The following FRMPD1 variants were observed in gnomAD, a reference collection of about 807,000 sequenced individuals.
The protein encoded by FRMPD1 is FERM and PDZ domain containing 1.
A neutral mutation model predicts 117.8 loss-of-function variants in FRMPD1; 76 were observed. That is an observed-to-expected ratio of 0.65 (90% CI 0.54 to 0.78). The LOEUF (loss-of-function observed/expected upper bound fraction) is 0.78. Among genes scored for constraint, FRMPD1 ranks in the 30% least tolerant of loss-of-function variants. The pLI, the probability that FRMPD1 is intolerant of heterozygous loss-of-function variation, is 0.00. For missense variants in FRMPD1, 1,786 were observed against 1,964.5 expected (o/e 0.91, Z 1.72); for synonymous variants, 783 against 770.4 (o/e 1.02, Z -0.27).
chr9:37,708,405 C>G lies in FRMPD1; in HGVS notation c.266C>G (p.Ser89Cys). 6.2e-7 allele frequency: 1 copy of G among 1,605,694 alleles called. No individual in the cohort carries two copies. The highest frequency in any genetic ancestry group is 1.1e-5 in the South Asian group (1 of 90,926). Residue 89 changes from serine to cysteine, a missense_variant, in exon 4 of 16, where the codon TCT becomes TGT. By Grantham distance (112) the Ser-to-Cys change is moderately radical (BLOSUM62 -1). Transcript: ENST00000377765. ...LTVVAVTAGG[S>C]AHGKLFPGDQ... ...CTTATTTTCTGTCCAACAGGAGGCT[C>G]TGCTCACGGCAAGCTTTTCCCTGGT...
In FRMPD1 at chr9:37,744,724, G is replaced by A. The variant is rs1319955666; in HGVS notation, c.2692G>A (p.Glu898Lys). ...CATGCAGGGTGAGCCTGGCCTTCTG[G>A]AGACCAAGGCCTTGGGGCTGCTGGC... ...QDMQGEPGLL[E>K]TKALGLLAPL... The change falls in exon 16 of 16, where the codon GAG (glutamate) becomes AAG (lysine). Residue 898 changes from glutamate to lysine, a missense_variant. By Grantham distance (56) the Glu-to-Lys change is moderately conservative. Coordinates refer to ENST00000377765, the MANE Select transcript of FRMPD1 (RefSeq NM_014907.3). The A allele has an allele frequency of 6.2e-7, 1 of 1,613,932 alleles. No individual in the cohort carries two copies. Among genetic ancestry groups the A allele is most frequent in the Non-Finnish European group, 8.5e-7 (1 of 1,179,936 alleles).
At chr9:37,623,067 C>T in the FRMPD1 span, among the ~76,000 whole-genome samples, 2 of 152,146 alleles carry the variant, frequency 1.3e-5, no homozygotes, top group Admixed American at 1.3e-4. Flanking sequence ...TCATATATGA[C>T]ATTTAATATA....
At chr9:37,608,447 T>C in the FRMPD1 span, among the ~76,000 whole-genome samples, 1 of 151,886 alleles carries the variant, frequency 6.6e-6, no homozygotes, top group South Asian at 2.1e-4. Context: ...TTCCTTCTTT[T>C]CTTTTCCTTT....
chr9:37,654,561 T>C (rs1820782979), intron 1 of FRMPD1, among the ~76,000 whole-genome samples: 1 of 152,248 alleles, frequency 6.6e-6, no homozygotes, highest in African/African-American at 2.4e-5. Context: ...CAGTACCTCC[T>C]TGAGAGGGTT....
chr9:37,634,747 A>G, the FRMPD1 span, among the ~76,000 whole-genome samples: 1 of 151,390 alleles, frequency 6.6e-6, no homozygotes, highest in Non-Finnish European at 1.5e-5. Context: ...AAAATTTTGG[A>G]GATTTTTTTT....
intron 4 of FRMPD1, among the ~76,000 whole-genome samples, chr9:37,710,146 T>G (rs1194302682): frequency 1.3e-5 from 2 of 152,232 alleles, no homozygotes; most frequent in African/African-American, 4.8e-5. Flanking sequence ...CAGTATGTCC[T>G]TTTAGAGCAC....
At chr9:37,737,285 C>G in intron 14 of FRMPD1, 42 bp downstream of exon 14, 1 of 1,601,794 alleles carries the variant, frequency 6.2e-7, no homozygotes, top group Non-Finnish European at 8.5e-7. Flanking sequence ...AGGCCCCTTT[C>G]ACTGGCCTTG....
At chr9:37,717,130 A>T (rs958751798) in intron 5 of FRMPD1, among the ~76,000 whole-genome samples, 7 of 152,096 alleles carry the variant, frequency 4.6e-5, no homozygotes, top group African/African-American at 1.7e-4. Flanking sequence ...GAATGAAGGA[A>T]TACTACTATA....
At chr9:37,662,224 C>T (rs767450368) in intron 1 of FRMPD1, among the ~76,000 whole-genome samples, 8 of 152,160 alleles carry the variant, frequency 5.3e-5, no homozygotes, top group Non-Finnish European at 7.3e-5. Context: ...TGAACCCAAT[C>T]GCACAATAAT....
chr9:37,637,987 T>TC, the FRMPD1 span, among the ~76,000 whole-genome samples: 11 of 108,740 alleles, frequency 1.0e-4, 1 homozygote, highest in African/African-American at 3.7e-4. Flanking sequence ...TTTCTTTCTT[T>TC]CTTTCTTTCT....
chr9:37,663,728 A>G (rs1242023243), intron 1 of FRMPD1, among the ~76,000 whole-genome samples: 1 of 152,208 alleles, frequency 6.6e-6, no homozygotes, highest in East Asian at 1.9e-4. Context: ...CACTGCAGAT[A>G]AGAAAATCCA....
intron 1 of FRMPD1, among the ~76,000 whole-genome samples, chr9:37,684,656 G>A (rs1821857013): frequency 6.6e-6 from 1 of 152,164 alleles, no homozygotes; most frequent in African/African-American, 2.4e-5. Flanking sequence ...GAAAGGAGAG[G>A]AGATGAGAGA....
At chr9:37,692,095 A>C (rs753719581) in intron 1 of FRMPD1, among the ~76,000 whole-genome samples, 2 of 152,224 alleles carry the variant, frequency 1.3e-5, no homozygotes, top group Non-Finnish European at 2.9e-5. Flanking sequence ...ATTTTTAAGC[A>C]CACAATACAG....
chr9:37,652,159 T>C (rs573216800), intron 1 of FRMPD1, among the ~76,000 whole-genome samples: 2 of 152,206 alleles, frequency 1.3e-5, no homozygotes, highest in South Asian at 4.1e-4. Flanking sequence ...AATGGTTGTT[T>C]GGGAAAAAAA....
chr9:37,618,605 C>T, the FRMPD1 span, among the ~76,000 whole-genome samples: 1 of 152,140 alleles, frequency 6.6e-6, no homozygotes, highest in African/African-American at 2.4e-5. Context: ...TTGAAAGCCC[C>T]CACAGATTGG....
In FRMPD1 at chr9:37,745,723, C is replaced by T. The variant is rs1006967466; in HGVS notation, c.3691C>T (p.Pro1231Ser). The T allele has an allele frequency of 6.8e-6, 11 of 1,614,052 alleles. No individual in the cohort carries two copies. Among genetic ancestry groups the T allele is most frequent in the Admixed American group, 3.3e-5 (2 of 60,002 alleles). ...TCCAGAGGGGATCAAGGCAGAGGCA[C>T]CTAACCATGTGACAGGGCAAGATAT... ...VPPEGIKAEA[P>S]NHVTGQDIAP... Residue 1231 changes from proline to serine, a missense_variant, in exon 16 of 16, where the codon CCT becomes TCT. By Grantham distance (74) the Pro-to-Ser change is moderately conservative (BLOSUM62 -1). Transcript: ENST00000377765.
chr9:37,650,601 C>G (rs1820637942), upstream of FRMPD1, among the ~76,000 whole-genome samples: 2 of 152,204 alleles, frequency 1.3e-5, no homozygotes, highest in African/African-American at 4.8e-5. Context: ...GTTTTGGGAA[C>G]TCTTCTGGGT....
chr9:37,701,503 G>C (rs893652262), intron 2 of FRMPD1, among the ~76,000 whole-genome samples: 1 of 117,386 alleles, frequency 8.5e-6, no homozygotes, highest in Non-Finnish European at 1.9e-5. Context: ...GCGTGTGTGT[G>C]CATGTACGTG....
the FRMPD1 span, among the ~76,000 whole-genome samples, chr9:37,639,621 C>A: frequency 2.1e-3 from 327 of 152,300 alleles, 1 homozygote; most frequent in African/African-American, 7.5e-3. Context: ...AAGTAACTAG[C>A]ATTTTATGAG....
Sources: gnomAD v4.1 joint callset for allele counts (sites outside exome capture counted in the v4.1 genomes callset) on GRCh38, gnomAD v4.1.1 for gene constraint, MANE v1.5 for transcripts, NCBI Gene and HGNC (gene_info 2026-07-23, HGNC 2026-07-21) for gene names.